RCL1: variants seen among roughly 807,000 people sequenced by gnomAD.
The protein encoded by RCL1 is RNA 3'-terminal phosphate cyclase-like protein.
In RCL1, 24 loss-of-function variants were observed where a neutral mutation model predicts 42.4. The observed-to-expected ratio is 0.57, with a 90% CI of 0.41 to 0.80. The LOEUF (loss-of-function observed/expected upper bound fraction) is 0.80. RCL1 is among the 30% of genes least tolerant of loss of function. RCL1 has a pLI of 0.00. For missense variants in RCL1, 578 were observed against 467.9 expected, an observed-to-expected ratio of 1.24 and a Z score of -2.17; for synonymous variants, 228 against 177.3, an observed-to-expected ratio of 1.29 and a Z score of -2.27.
At chr9:4,815,331 A>G (rs1236663794) in intron 1 of RCL1, among the ~76,000 whole-genome samples, 1 of 152,046 alleles carries the variant, frequency 6.6e-6, no homozygotes, top group Non-Finnish European at 1.5e-5. Flanking sequence ...TTGAGTAGGT[A>G]ATTTTGAAAG....
intron 2 of RCL1, among the ~76,000 whole-genome samples, chr9:4,825,296 C>T (rs528870176): frequency 3.5e-4 from 53 of 152,292 alleles, no homozygotes; most frequent in African/African-American, 1.2e-3. Flanking sequence ...TAGTAAAAGC[C>T]TTCATTCTGA....
Position 4,826,942 on chromosome 9 carries a change from A to G in RCL1, c.293A>G (p.Tyr98Cys). 6.2e-7 allele frequency: 1 copy of G among 1,614,132 alleles called. No individual in the cohort carries two copies. Among genetic ancestry groups the G allele is most frequent in the Non-Finnish European group, 8.5e-7 (1 of 1,180,010 alleles). The change falls in exon 3 of 9, where the codon TAC becomes TGC. Residue 98 changes from tyrosine (Y) to cysteine (C), a missense_variant. Tyr to Cys is a radical substitution (Grantham distance 194). Transcript: ENST00000381750. Reference sequence around the variant, plus strand: ...AGCGTCCTTCGTGGCATTGGGTATTACCTGGAGAGTCTTCTTTGCTTGGCT... The same window carrying G: ...AGCGTCCTTCGTGGCATTGGGTATTGCCTGGAGAGTCTTCTTTGCTTGGCT... ...DCSVLRGIGY[Y>C]LESLLCLAPF...
At chr9:4,832,300 A>G (rs1816966643) in intron 3 of RCL1, among the ~76,000 whole-genome samples, 1 of 152,104 alleles carries the variant, frequency 6.6e-6, no homozygotes, top group Admixed American at 6.5e-5. Flanking sequence ...TGAGGCTGTC[A>G]TCACCCCGAC....
At chr9:4,854,074 C>T (rs1291201824) in intron 8 of RCL1, among the ~76,000 whole-genome samples, 1 of 152,146 alleles carries the variant, frequency 6.6e-6, no homozygotes, top group African/African-American at 2.4e-5. Flanking sequence ...TCTGTAAAGC[C>T]CTGTCACCTG....
intron 1 of RCL1, among the ~76,000 whole-genome samples, chr9:4,802,045 A>AT (rs1309237893): frequency 1.4e-5 from 2 of 144,088 alleles, no homozygotes; most frequent in Non-Finnish European, 3.0e-5. Context: ...AGCATCTGGG[A>AT]TTATAGGTGT....
chr9:4,822,092 A>G (rs1816613584), intron 1 of RCL1, among the ~76,000 whole-genome samples: 1 of 152,244 alleles, frequency 6.6e-6, no homozygotes, highest in Non-Finnish European at 1.5e-5. Flanking sequence ...TCAGGATTTA[A>G]TGGTGTTTCT....
At chr9:4,809,603 C>T (rs532910463) in intron 1 of RCL1, among the ~76,000 whole-genome samples, 1 of 152,150 alleles carries the variant, frequency 6.6e-6, no homozygotes, top group Non-Finnish European at 1.5e-5. Flanking sequence ...CCACTGCACC[C>T]GGCCAAGACT....
chr9:4,824,459 G>C (rs1042196910), intron 2 of RCL1, among the ~76,000 whole-genome samples: 2 of 140,850 alleles, frequency 1.4e-5, no homozygotes, highest in Non-Finnish European at 3.0e-5. Context: ...TAATATTTCT[G>C]TGGGTTGTAG....
chr9:4,854,643 G>C, intron 8 of RCL1, among the ~76,000 whole-genome samples: 1 of 152,186 alleles, frequency 6.6e-6, no homozygotes, highest in Non-Finnish European at 1.5e-5. Context: ...CTGTGTTTAA[G>C]GGTGGGATCT....
At chr9:4,829,185 G>C (rs756343347) in intron 3 of RCL1, among the ~76,000 whole-genome samples, 14 of 152,232 alleles carry the variant, frequency 9.2e-5, no homozygotes, top group Non-Finnish European at 1.6e-4. Context: ...TAGTGTTAGA[G>C]AGCGTTTCTT....
intron 5 of RCL1, 57 bp from the exon 6 acceptor site, chr9:4,841,175 T>C (rs1817305048): frequency 3.1e-6 from 5 of 1,604,806 alleles, no homozygotes; most frequent in African/African-American, 2.7e-5. Context: ...GCTTTATAAC[T>C]GATTTTTCTC....
At chr9:4,852,467 A>C (rs1242611132) in intron 8 of RCL1, among the ~76,000 whole-genome samples, 2 of 152,210 alleles carry the variant, frequency 1.3e-5, no homozygotes, top group African/African-American at 4.8e-5. Flanking sequence ...TGCAGTTACC[A>C]GAGCTCTCTG....
chr9:4,859,538 A>G (rs569214623), intron 8 of RCL1, among the ~76,000 whole-genome samples: 74 of 152,286 alleles, frequency 4.9e-4, no homozygotes, highest in African/African-American at 1.4e-3. Flanking sequence ...TATTAAGTAA[A>G]TGCGAGGGTA....
intron 1 of RCL1, among the ~76,000 whole-genome samples, chr9:4,795,122 G>A (rs1344751418): frequency 6.6e-6 from 1 of 151,924 alleles, no homozygotes; most frequent in African/African-American, 2.4e-5. Context: ...CTGTCTCCCA[G>A]GCTGGAGTGC....
intron 1 of RCL1, among the ~76,000 whole-genome samples, chr9:4,819,298 G>A (rs2130993456): frequency 6.6e-6 from 1 of 152,316 alleles, no homozygotes; most frequent in South Asian, 2.1e-4. Flanking sequence ...GGTCCTATGA[G>A]AATCCAATGC....
intron 5 of RCL1, chr9:4,839,451 T>C (rs1426121854): frequency 1.3e-5 from 2 of 152,972 alleles, no homozygotes; most frequent in African/African-American, 4.8e-5. Context: ...TGAAAGAACT[T>C]TGGGAGCCGT....
At chr9:4,800,430 G>C (rs113884699) in intron 1 of RCL1, among the ~76,000 whole-genome samples, 1 of 151,728 alleles carries the variant, frequency 6.6e-6, no homozygotes, top group Non-Finnish European at 1.5e-5. Context: ...GGCCAGGCTG[G>C]TCTCGAACTC....
At chr9:4,844,427 G>A in intron 6 of RCL1, 98 bp from the exon 7 acceptor site, 1 of 884,602 alleles carries the variant, frequency 1.1e-6, no homozygotes, top group South Asian at 1.8e-5. Context: ...TGAACACAGT[G>A]CCGTCAAAAA....
intron 1 of RCL1, among the ~76,000 whole-genome samples, chr9:4,803,203 A>T (rs1843035627): frequency 6.6e-6 from 1 of 152,176 alleles, no homozygotes; most frequent in Non-Finnish European, 1.5e-5. Flanking sequence ...ATAAATGTAG[A>T]TCAGAAGACA....
Sources: allele counts gnomAD v4.1 joint callset (sites outside exome capture counted in the v4.1 genomes callset), GRCh38; gene constraint gnomAD v4.1.1; transcripts MANE v1.5; gene names NCBI Gene and HGNC (gene_info 2026-07-23, HGNC 2026-07-21).